Variants in LMO7 observed in about 807,000 individuals in gnomAD.
The protein encoded by LMO7 is LIM domain 7.
In LMO7, 120 loss-of-function variants were observed where a neutral mutation model predicts 206.5. The observed-to-expected ratio is 0.58, with a 90% CI of 0.50 to 0.68. The LOEUF (loss-of-function observed/expected upper bound fraction) is 0.68, where lower values mean the gene tolerates loss of function less well. Among genes scored for constraint, LMO7 ranks in the 30% least tolerant of loss-of-function variants. The probability of loss-of-function intolerance (pLI) is 0.00; values close to 1 mark genes in which losing one functional copy is unlikely to be tolerated. For synonymous variants in LMO7, 706 were observed against 681.5 expected (o/e 1.04, Z -0.56); for missense variants, 1,959 against 1,957.9 (o/e 1.00, Z -0.01).
At chr13:75,661,805 A>T (rs2038634948) in intron 1 of LMO7, among the ~76,000 whole-genome samples, 1 of 152,102 alleles carries the variant, frequency 6.6e-6, no homozygotes, top group African/African-American at 2.4e-5. Flanking sequence ...GCATGCTGTA[A>T]AATCTTTCCT....
chr13:75,801,107 C>T (rs1325371012), intron 7 of LMO7, among the ~76,000 whole-genome samples: 1 of 151,688 alleles, frequency 6.6e-6, no homozygotes. Flanking sequence ...TGAGAGGTGA[C>T]AGTTAATTGT....
At chr13:75,773,413 A>G (rs2049995554) in intron 4 of LMO7, among the ~76,000 whole-genome samples, 3 of 152,184 alleles carry the variant, frequency 2.0e-5, no homozygotes, top group South Asian at 4.2e-4. Context: ...TCAGAGACTT[A>G]GAAAGATAGA....
chr13:75,858,732 A>G lies in LMO7; in HGVS notation c.*789A>G, dbSNP rs920492379. ...GTGTCTGACCTCAGGCCTTTTAGCC[A>G]TATTTCAGTATGTGGCCTTTTTTGA... On this transcript the variant is annotated 3_prime_UTR_variant, in exon 31 of 31. Coordinates refer to ENST00000377534, the MANE Select transcript of LMO7 (RefSeq NM_001306080.2). 3 of 152,588 alleles carry G rather than the reference A, an allele frequency of 2.0e-5. No homozygotes were observed. The highest frequency in any genetic ancestry group is 2.9e-5 in the Non-Finnish European group (2 of 68,028). 9.5% of individuals were successfully genotyped at this position (152,588 alleles called of 1,614,324 possible). A position where few individuals can be genotyped will look rare whatever the true frequency, so the allele number is the denominator to read the frequency against.
chr13:75,686,527 T>TTTTC (rs35526690), intron 1 of LMO7, among the ~76,000 whole-genome samples: 2 of 34,358 alleles, frequency 5.8e-5, no homozygotes, highest in African/African-American at 1.5e-4. Context: ...CTATCTTACC[T>TTTTC]TTTTTTTTTT....
Position 75,857,948 on chromosome 13 carries a change from A to T in LMO7, c.*5A>T. On this transcript the variant is annotated 3_prime_UTR_variant, in exon 31 of 31. Transcript: ENST00000377534. The stretch of plus-strand genomic sequence containing the variant: ...GGACGGCCAACCGCCATGTGATGTA[A>T]GCCTCCATACGAAAGCACTGTTGCA... 1 of 1,609,042 alleles carries T rather than the reference A, an allele frequency of 6.2e-7. No individual in the cohort carries two copies. Among genetic ancestry groups the T allele is most frequent in the East Asian group, 2.2e-5 (1 of 44,518 alleles).
chr13:75,806,377 C>A, intron 9 of LMO7: 1 of 337,854 alleles, frequency 3.0e-6, no homozygotes, highest in Non-Finnish European at 4.2e-6. Context: ...AAACCTGACT[C>A]ACTTAGTGGA....
chr13:75,692,923 C>T (rs1306069377), intron 1 of LMO7, among the ~76,000 whole-genome samples: 2 of 152,062 alleles, frequency 1.3e-5, no homozygotes, highest in African/African-American at 4.8e-5. Context: ...TGAAGCAGTG[C>T]GGAAGCATCC....
rs2060355139 is a variant in LMO7, at chr13:75,849,997, AATCCCAGCTACCC to A, written c.4364+707_4364+719del. Among the ~76,000 whole-genome samples the A allele has an allele frequency of 1.2e-4, 18 of 152,216 alleles. 1 individual carries two copies. The highest frequency in any genetic ancestry group is 2.2e-4 in the Non-Finnish European group (15 of 68,034). On this transcript the variant is annotated intron_variant, in intron 27 of 30. Coordinates refer to ENST00000377534, the MANE Select transcript of LMO7 (RefSeq NM_001306080.2). The stretch of plus-strand genomic sequence containing the variant: ...CTATAAAAAATAGATGTGTGCCTGT[AATCCCAGCTACCC>A]AGGAGGCTGAGGCAGGAGAATCACT...
intron 2 of LMO7, among the ~76,000 whole-genome samples, chr13:75,718,654 G>T (rs1222740187): frequency 2.0e-5 from 3 of 152,076 alleles, no homozygotes; most frequent in Admixed American, 2.0e-4. Context: ...TCATCACCCA[G>T]AGTCCATGGT....
chr13:75,661,142 T>C (rs146333004), intron 1 of LMO7, among the ~76,000 whole-genome samples: 287 of 152,368 alleles, frequency 1.9e-3, no homozygotes, highest in African/African-American at 6.7e-3. Context: ...ATTTATCTCC[T>C]TTAAAATAGT....
At chr13:75,654,876 CTT>C (rs60476451) in intron 1 of LMO7, among the ~76,000 whole-genome samples, 1 of 141,120 alleles carries the variant, frequency 7.1e-6, no homozygotes, top group Non-Finnish European at 1.5e-5. Context: ...TCTCTTCTCT[CTT>C]TTTTTTTTTT....
At chr13:75,747,604 C>T (rs1245834136) in intron 3 of LMO7, among the ~76,000 whole-genome samples, 1 of 152,172 alleles carries the variant, frequency 6.6e-6, no homozygotes, top group Non-Finnish European at 1.5e-5. Flanking sequence ...TTAGCCACAC[C>T]TGGAGTCCAG....
chr13:75,626,416 C>T (rs4885334), intron 2 of LMO7, among the ~76,000 whole-genome samples: 79,817 of 146,850 alleles, frequency 0.54, 23,339 homozygotes, highest in Non-Finnish European at 0.67. Flanking sequence ...GAGACTTATT[C>T]ACTATGACGA....
rs574026604 is a variant in LMO7 at position 75,802,114 on chromosome 13, G to A, written c.661+1232G>A. ...TTATTCTTTGTTTTACTTCTGATGTGAAACTTATATAAATACAACATGCTA... is the reference window on the plus strand; with the variant it reads ...TTATTCTTTGTTTTACTTCTGATGTAAAACTTATATAAATACAACATGCTA... On this transcript the variant is annotated intron_variant, in intron 7 of 30. Transcript: ENST00000377534. Among the ~76,000 whole-genome samples, 3 of 152,216 alleles carry A rather than the reference G, an allele frequency of 2.0e-5. No homozygotes were observed. In the South Asian group the frequency reaches 6.2e-4, roughly 32 times the overall value.
At chr13:75,781,697 C>T (rs1485019015) in intron 4 of LMO7, among the ~76,000 whole-genome samples, 7 of 150,558 alleles carry the variant, frequency 4.6e-5, no homozygotes, top group African/African-American at 1.5e-4. Context: ...CCTGAGGAAT[C>T]GCCACACTGA....
At chr13:75,713,558 T>C (rs971750812) in intron 2 of LMO7, among the ~76,000 whole-genome samples, 4 of 152,204 alleles carry the variant, frequency 2.6e-5, no homozygotes, top group African/African-American at 9.7e-5. Context: ...CCTTATGACA[T>C]GTTACCATTG....
chr13:75,816,529 G>C (rs2057014459), intron 11 of LMO7, among the ~76,000 whole-genome samples: 1 of 152,192 alleles, frequency 6.6e-6, no homozygotes, highest in Non-Finnish European at 1.5e-5. Context: ...GTCCATCCTT[G>C]TGTTACAAGT....
At chr13:75,690,172 C>T (rs958928306) in intron 1 of LMO7, among the ~76,000 whole-genome samples, 3 of 151,866 alleles carry the variant, frequency 2.0e-5, no homozygotes, top group South Asian at 2.1e-4. Context: ...TGGCCTCAAG[C>T]GATCTTTTCA....
chr13:75,736,332 C>G (rs1035088440), intron 3 of LMO7, among the ~76,000 whole-genome samples: 32 of 152,196 alleles, frequency 2.1e-4, no homozygotes, highest in African/African-American at 7.2e-4. Context: ...GTCATCATGC[C>G]TCACTTGACT....
Sources: gnomAD v4.1 joint callset for allele counts (sites outside exome capture counted in the v4.1 genomes callset) on GRCh38, gnomAD v4.1.1 for gene constraint, MANE v1.5 for transcripts, NCBI Gene and HGNC (gene_info 2026-07-23, HGNC 2026-07-21) for gene names.